CACNA2D1: variants seen among roughly 807,000 people sequenced by gnomAD.
CACNA2D1 encodes calcium voltage-gated channel auxiliary subunit alpha2delta 1, also known as voltage-dependent calcium channel subunit alpha-2/delta-1.
In CACNA2D1, 53 loss-of-function variants were observed where a neutral mutation model predicts 171.5. The ratio of observed to expected loss-of-function variants is 0.31; its 90% CI spans 0.25 to 0.39. CACNA2D1 has a LOEUF of 0.39. CACNA2D1 is among the 10% of genes least tolerant of loss of function. The pLI is 1.00. For synonymous variants in CACNA2D1, 442 were observed against 443.1 expected, an observed-to-expected ratio of 1.00 and a Z score of 0.03; for missense variants, 903 against 1,299.8, an observed-to-expected ratio of 0.69 and a Z score of 4.69.
At chr7:82,352,980 C>G (rs1820027520) in intron 1 of CACNA2D1, among the ~76,000 whole-genome samples, 1 of 151,960 alleles carries the variant, frequency 6.6e-6, no homozygotes, top group Non-Finnish European at 1.5e-5. Context: ...GTTATATTCT[C>G]AAAATAACGG....
intron 3 of CACNA2D1, among the ~76,000 whole-genome samples, chr7:82,200,817 T>C (rs1310451826): frequency 6.6e-6 from 1 of 152,178 alleles, no homozygotes; most frequent in African/African-American, 2.4e-5. Flanking sequence ...TTTAGAAATG[T>C]GAAGCTGTTT....
Position 81,955,980 on chromosome 7 carries a change from ATTTTTTT to A in CACNA2D1, c.3159+3288_3159+3294del, listed in dbSNP as rs1164601123. On this transcript the variant is annotated intron_variant, in intron 38 of 38. Transcript: ENST00000356860. ...TGTTGCTATATATATATATATATAT[ATTTTTTT>A]TTTTTTTTTTTTTTTTTGGAAATGG... 3.5e-4 allele frequency among the ~76,000 whole-genome samples: 12 copies of A among 34,552 alleles called. No homozygotes were observed. In the South Asian group the frequency reaches 4.6e-3, roughly 13 times the overall value. The allele number at this position is 34,552 out of a possible 152,430, so 22.7% of individuals were successfully genotyped here.
intron 3 of CACNA2D1, among the ~76,000 whole-genome samples, chr7:82,306,877 CAA>C (rs56102718): frequency 0.092 from 12,371 of 134,220 alleles, 573 homozygotes; most frequent in Admixed American, 0.14. Flanking sequence ...CGAAAAAATA[CAA>C]AAAAAAAAAA....
At chr7:82,322,608 T>G (rs168806) in intron 3 of CACNA2D1, among the ~76,000 whole-genome samples, 107,871 of 151,980 alleles carry the variant, frequency 0.71, 38,473 homozygotes, top group East Asian at 0.8. Context: ...GACAGAATGA[T>G]ACCCTGTCTC....
intron 1 of CACNA2D1, among the ~76,000 whole-genome samples, chr7:82,425,714 G>A (rs1419828574): frequency 6.6e-6 from 1 of 151,158 alleles, no homozygotes; most frequent in East Asian, 2.0e-4. Context: ...TTAATTTTCA[G>A]TAAAGGGAGG....
intron 3 of CACNA2D1, among the ~76,000 whole-genome samples, chr7:82,227,392 A>G (rs1355099822): frequency 2.0e-5 from 3 of 152,212 alleles, no homozygotes; most frequent in African/African-American, 7.2e-5. Flanking sequence ...ACAACTTGGT[A>G]ATGATTTTGG....
chr7:82,407,679 C>G (rs927823763), intron 1 of CACNA2D1, among the ~76,000 whole-genome samples: 2 of 152,132 alleles, frequency 1.3e-5, no homozygotes, highest in African/African-American at 4.8e-5. Context: ...TAAGACACAG[C>G]ATCTGCACTT....
At chr7:82,380,557 ATAAGCATTTTGAC>A (rs2129449267) in intron 1 of CACNA2D1, among the ~76,000 whole-genome samples, 1 of 152,266 alleles carries the variant, frequency 6.6e-6, no homozygotes, top group Non-Finnish European at 1.5e-5. Context: ...CCTCCATTCA[ATAAGCATTTTGAC>A]TAATTTCACA....
chr7:82,400,105 C>A (rs180684247), intron 1 of CACNA2D1, among the ~76,000 whole-genome samples: 26,162 of 149,848 alleles, frequency 0.17, 2,856 homozygotes, highest in East Asian at 0.46. Flanking sequence ...GTTACTGTAG[C>A]CTTGTAGTAT....
chr7:82,084,652 T>G (rs1350140868), intron 7 of CACNA2D1, 117 bp downstream of exon 7: 1 of 1,172,278 alleles, frequency 8.5e-7, no homozygotes, highest in African/African-American at 1.5e-5. Flanking sequence ...TGTTCTTTCC[T>G]TATAAAAGTA....
intron 3 of CACNA2D1, among the ~76,000 whole-genome samples, chr7:82,187,374 T>C (rs1485421428): frequency 6.6e-6 from 1 of 152,038 alleles, no homozygotes; most frequent in Non-Finnish European, 1.5e-5. Flanking sequence ...ATCTAACCTA[T>C]AGAGTAGGCA....
rs1262783212 is a variant in CACNA2D1, at chr7:82,280,369, AC to A, written c.294+54765del. On this transcript the variant is annotated intron_variant, in intron 3 of 38. Transcript: ENST00000356860. ...TTCCAGGACAAAAGAGCTCATAAGG[AC>A]AAAACACGAGGCTCAAGTAATTAAT... Among the ~76,000 whole-genome samples the A allele has an allele frequency of 1.3e-4, 20 of 152,302 alleles. No homozygotes were observed. In the South Asian group the frequency reaches 4.1e-3, roughly 32 times the overall value.
intron 1 of CACNA2D1, among the ~76,000 whole-genome samples, chr7:82,423,629 C>T (rs1033922828): frequency 6.6e-6 from 1 of 152,108 alleles, no homozygotes; most frequent in South Asian, 2.1e-4. Context: ...CAAAGCATTA[C>T]GATTACTTTG....
At chr7:82,065,033 C>T (rs1242884586) in intron 8 of CACNA2D1, among the ~76,000 whole-genome samples, 1 of 152,062 alleles carries the variant, frequency 6.6e-6, no homozygotes, top group African/African-American at 2.4e-5. Context: ...GTATGACTGA[C>T]CCAAAAGCTC....
chr7:82,220,002 T>C (rs1801572806), intron 3 of CACNA2D1, among the ~76,000 whole-genome samples: 1 of 152,160 alleles, frequency 6.6e-6, no homozygotes, highest in East Asian at 1.9e-4. Flanking sequence ...TTCACTGTTT[T>C]TTTCCATTAA....
chr7:82,156,476 T>C (rs1794384491), intron 4 of CACNA2D1, among the ~76,000 whole-genome samples: 3 of 152,160 alleles, frequency 2.0e-5, no homozygotes, highest in African/African-American at 4.8e-5. Flanking sequence ...CAAATAGTTC[T>C]CTCTGTGTAA....
chr7:82,411,686 G>A (rs1827681009), intron 1 of CACNA2D1, among the ~76,000 whole-genome samples: 1 of 152,078 alleles, frequency 6.6e-6, no homozygotes, highest in African/African-American at 2.4e-5. Context: ...GGTATATGGA[G>A]CAGAAGAACT....
chr7:82,317,343 C>T (rs904080621), intron 3 of CACNA2D1, among the ~76,000 whole-genome samples: 3 of 152,186 alleles, frequency 2.0e-5, no homozygotes, highest in African/African-American at 7.2e-5. Context: ...AAAACACAGG[C>T]AGATCATAGG....
chr7:82,276,924 T>C (rs1474790579), intron 3 of CACNA2D1, among the ~76,000 whole-genome samples: 5 of 151,930 alleles, frequency 3.3e-5, no homozygotes, highest in African/African-American at 1.2e-4. Flanking sequence ...AATTTTTGTA[T>C]TTTTAGTAGA....
Sources: gnomAD v4.1 joint callset for allele counts (sites outside exome capture counted in the v4.1 genomes callset) on GRCh38, gnomAD v4.1.1 for gene constraint, MANE v1.5 for transcripts, NCBI Gene and HGNC (gene_info 2026-07-23, HGNC 2026-07-21) for gene names.